The following LANCL2 variants were observed in gnomAD, a reference collection of about 807,000 sequenced individuals.
LANCL2 encodes lanC-like protein 2.
In LANCL2, 33 loss-of-function variants were observed where a neutral mutation model predicts 56.9. The observed-to-expected ratio is 0.58, with a 90% CI of 0.44 to 0.78. The LOEUF is 0.78. Among genes scored for constraint, LANCL2 ranks in the 30% least tolerant of loss-of-function variants. The pLI, the probability that LANCL2 is intolerant of heterozygous loss-of-function variation, is 0.00. For synonymous variants in LANCL2, 233 were observed against 228.2 expected, an observed-to-expected ratio of 1.02 and a Z score of -0.19; for missense variants, 562 against 580.2, an observed-to-expected ratio of 0.97 and a Z score of 0.32.
chr7:55,399,709 T>C (rs1407352105), intron 3 of LANCL2, among the ~76,000 whole-genome samples: 4 of 152,230 alleles, frequency 2.6e-5, no homozygotes, highest in Non-Finnish European at 5.9e-5. Context: ...AATAAAATTT[T>C]ATGGTTTAAA....
At chr7:55,368,435 A>G (rs996750402) in intron 1 of LANCL2, among the ~76,000 whole-genome samples, 1 of 152,248 alleles carries the variant, frequency 6.6e-6, no homozygotes, top group Non-Finnish European at 1.5e-5. Flanking sequence ...ATTCTTGAAT[A>G]TGAAAATGAG....
chr7:55,371,758 C>A (rs1266688614), intron 1 of LANCL2, among the ~76,000 whole-genome samples: 1 of 152,138 alleles, frequency 6.6e-6, no homozygotes, highest in Non-Finnish European at 1.5e-5. Flanking sequence ...GGAAATGCTT[C>A]AGTTTATAAT....
intron 8 of LANCL2, among the ~76,000 whole-genome samples, chr7:55,430,586 T>A (rs1790716778): frequency 1.3e-5 from 2 of 152,254 alleles, no homozygotes; most frequent in Non-Finnish European, 2.9e-5. Flanking sequence ...CTCAGAGAAG[T>A]ACATTTTGGA....
At position 55,365,881 on chromosome 7, in the gene LANCL2, ACGCCCCGCTCCTC is replaced by A; in HGVS notation, c.-143_-131del. The A allele has an allele frequency of 1.8e-6, 1 of 566,408 alleles. No homozygotes were observed. 35.1% of individuals were successfully genotyped at this position (566,408 alleles called of 1,614,324 possible). A position where few individuals can be genotyped will look rare whatever the true frequency, so the allele number is the denominator to read the frequency against. ...CCGCGACGAGGCAGTGCACGCTCAG[ACGCCCCGCTCCTC>A]CCGCCAGCGCGCGGCCTCGCTCCTC... On this transcript the variant is annotated 5_prime_UTR_variant, in exon 1 of 9. An upstream open reading frame in the 5' UTR loses its in-frame stop. Coordinates refer to ENST00000254770, the MANE Select transcript of LANCL2 (RefSeq NM_018697.4).
chr7:55,430,688 A>G (rs1003162999), intron 8 of LANCL2, among the ~76,000 whole-genome samples: 1 of 152,226 alleles, frequency 6.6e-6, no homozygotes, highest in African/African-American at 2.4e-5. Flanking sequence ...TTGAGTGGGG[A>G]CAGGAGACCT....
rs949112950 is a variant in LANCL2 at position 55,398,330 on chromosome 7, A to G, written c.323-93A>G. 1.0e-5 allele frequency: 9 copies of G among 879,544 alleles called. No homozygotes were observed. The African/African-American group carries it at 1.3e-4, about 13-fold the overall frequency. 54.5% of individuals were successfully genotyped at this position (879,544 alleles called of 1,614,324 possible). ...CCCGTTTGGAAACATAGATTTATGT[A>G]GAAGAAGGTATTTCATGTAATTATA... On this transcript the variant is annotated intron_variant, in intron 2 of 8. Coordinates refer to ENST00000254770, the MANE Select transcript of LANCL2 (RefSeq NM_018697.4).
intron 1 of LANCL2, among the ~76,000 whole-genome samples, chr7:55,386,168 C>T (rs1790123429): frequency 6.6e-6 from 1 of 152,036 alleles, no homozygotes; most frequent in African/African-American, 2.4e-5. Flanking sequence ...ATTACAGGGT[C>T]CTGAGATGAT....
chr7:55,366,546 C>T (rs772030775), intron 1 of LANCL2, among the ~76,000 whole-genome samples: 1 of 152,128 alleles, frequency 6.6e-6, no homozygotes, highest in Non-Finnish European at 1.5e-5. Flanking sequence ...CCCGCGGACA[C>T]CTCCCGCCCC....
intron 5 of LANCL2, among the ~76,000 whole-genome samples, chr7:55,409,035 C>T (rs1231320285): frequency 2.0e-5 from 3 of 148,450 alleles, no homozygotes; most frequent in Middle Eastern, 3.6e-3. Flanking sequence ...CCAAAAATGA[C>T]ATTGGACTTT....
chr7:55,374,811 A>T (rs150514762), intron 1 of LANCL2, among the ~76,000 whole-genome samples: 21 of 152,372 alleles, frequency 1.4e-4, no homozygotes, highest in African/African-American at 5.0e-4. Context: ...ACTTTATGGT[A>T]TACAGTTTGC....
At chr7:55,390,093 A>C (rs1414403518) in intron 1 of LANCL2, among the ~76,000 whole-genome samples, 2 of 152,218 alleles carry the variant, frequency 1.3e-5, no homozygotes, top group African/African-American at 2.4e-5. Flanking sequence ...ATTGTGCAGA[A>C]ACCTAAAAGT....
chr7:55,396,815 A>G (rs1323675022), intron 2 of LANCL2: 1 of 152,158 alleles, frequency 6.6e-6, no homozygotes, highest in East Asian at 1.9e-4. Context: ...TCAACATCCT[A>G]TTTTTAGAGA....
chr7:55,377,851 A>G lies in LANCL2; in HGVS notation c.204+11622A>G, dbSNP rs1182093270. On this transcript the variant is annotated intron_variant, in intron 1 of 8. Coordinates refer to ENST00000254770, the MANE Select transcript of LANCL2 (RefSeq NM_018697.4). ...TAACTGCTCCTGCTGTTTCTGGGCTATGTGGCAGGTACATATTTCTATTCA... is the reference window on the plus strand; with the variant it reads ...TAACTGCTCCTGCTGTTTCTGGGCTGTGTGGCAGGTACATATTTCTATTCA... 2.6e-5 allele frequency among the ~76,000 whole-genome samples: 4 copies of G among 152,238 alleles called. No homozygotes were observed. The East Asian group carries it at 7.7e-4, about 29-fold the overall frequency.
intron 1 of LANCL2, among the ~76,000 whole-genome samples, chr7:55,385,569 A>G (rs1340684575): frequency 6.6e-6 from 1 of 152,160 alleles, no homozygotes; most frequent in Non-Finnish European, 1.5e-5. Context: ...GGGAGTTTCA[A>G]AAGGGGAGGG....
chr7:55,385,458 A>G (rs1790114540), intron 1 of LANCL2, among the ~76,000 whole-genome samples: 3 of 152,210 alleles, frequency 2.0e-5, no homozygotes, highest in African/African-American at 7.2e-5. Flanking sequence ...AAAAGGACAG[A>G]GTACAAAAGA....
intron 2 of LANCL2, among the ~76,000 whole-genome samples, chr7:55,396,350 C>T (rs932862954): frequency 5.3e-5 from 8 of 152,122 alleles, no homozygotes; most frequent in Non-Finnish European, 1.0e-4. Context: ...TCTTGACAAG[C>T]CCTGCCCTCT....
intron 2 of LANCL2, among the ~76,000 whole-genome samples, chr7:55,395,842 T>G (rs528076146): frequency 5.3e-5 from 8 of 152,328 alleles, no homozygotes; most frequent in African/African-American, 1.7e-4. Context: ...CTTCACATCA[T>G]GGATGAGTTC....
chr7:55,405,904 A>T (rs62457870), intron 5 of LANCL2, among the ~76,000 whole-genome samples: 134,736 of 151,728 alleles, frequency 0.89, 60,138 homozygotes, highest in African/African-American at 0.95. Context: ...TGGTAGAGCC[A>T]GCATGGGGAG....
chr7:55,398,329 TAGA>T lies in LANCL2; in HGVS notation c.323-88_323-86del, dbSNP rs1790280208. The T allele has an allele frequency of 4.6e-6, 4 of 874,442 alleles. No homozygotes were observed. In the South Asian group the frequency reaches 6.0e-5, roughly 13 times the overall value. 54.2% of individuals were successfully genotyped at this position (874,442 alleles called of 1,614,324 possible). ...ACCCGTTTGGAAACATAGATTTATGTAGAAGAAGGTATTTCATGTAATTATAAA... is the reference window on the plus strand; with the variant it reads ...ACCCGTTTGGAAACATAGATTTATGTAGAAGGTATTTCATGTAATTATAAA... On this transcript the variant is annotated intron_variant, in intron 2 of 8. Coordinates refer to ENST00000254770, the MANE Select transcript of LANCL2 (RefSeq NM_018697.4).
Sources: gnomAD v4.1 joint callset for allele counts (sites outside exome capture counted in the v4.1 genomes callset) on GRCh38, gnomAD v4.1.1 for gene constraint, MANE v1.5 for transcripts, NCBI Gene and HGNC (gene_info 2026-07-23, HGNC 2026-07-21) for gene names.